DCLK1: variants seen among roughly 807,000 people sequenced by gnomAD.
The protein encoded by DCLK1 is serine/threonine-protein kinase DCLK1.
In DCLK1, 16 loss-of-function variants were observed where a neutral mutation model predicts 86.2. That is an observed-to-expected ratio of 0.19 (90% CI 0.13 to 0.28). DCLK1 has a LOEUF of 0.28. Among genes scored for constraint, DCLK1 ranks in the 10% least tolerant of loss-of-function variants. DCLK1 has a pLI of 1.00. For synonymous variants in DCLK1, 369 were observed against 370.5 expected, an observed-to-expected ratio of 1.00 and a Z score of 0.05; for missense variants, 590 against 940.2, an observed-to-expected ratio of 0.63 and a Z score of 4.87.
chr13:36,054,294 C>G (rs1238859070), intron 3 of DCLK1, among the ~76,000 whole-genome samples: 2 of 152,138 alleles, frequency 1.3e-5, no homozygotes, highest in Admixed American at 6.5e-5. Flanking sequence ...GCATGGGACT[C>G]ATGGGGAAAA....
chr13:36,112,111 G>T lies in DCLK1; in HGVS notation c.481C>A (p.Arg161=). ...GCAGTGGCCAGTGAAGACACTGCCC[G>T]AGAAGCCGAGGTGGTCTTGACGTTC... ...SVNVKTTSAS[R]AVSSLATAKG... The change falls in exon 3 of 17, where the codon CGG becomes AGG. Residue 161 remains arginine, a synonymous_variant. Transcript: ENST00000360631. 4 of 1,613,748 alleles carry T rather than the reference G, an allele frequency of 2.5e-6. No homozygotes were observed. The highest frequency in any genetic ancestry group is 3.4e-6 in the Non-Finnish European group (4 of 1,179,724).
intron 3 of DCLK1, among the ~76,000 whole-genome samples, chr13:35,967,318 TG>T (rs1376332945): frequency 6.6e-6 from 1 of 152,196 alleles, no homozygotes; most frequent in African/African-American, 2.4e-5. Flanking sequence ...CCACCCCATC[TG>T]GGAGGTGTAC....
rs1869607345 is a variant in DCLK1 at position 35,839,091 on chromosome 13, C to A, written c.1120+1G>T. ...CAGATACCAAGTCCCAAGCTCATCA[C>A]CTTCTCCAGGGCCATCGTTCTCATC... On this transcript the variant is annotated splice_donor_variant, in intron 7 of 16. Transcript: ENST00000360631. LOFTEE classifies it high-confidence loss of function. 1 of 1,596,714 alleles carries A rather than the reference C, an allele frequency of 6.3e-7. No individual in the cohort carries two copies. The highest frequency in any genetic ancestry group is 1.7e-5 in the Admixed American group (1 of 57,416).
chr13:36,043,052 A>G (rs1467874343), intron 3 of DCLK1, among the ~76,000 whole-genome samples: 1 of 152,208 alleles, frequency 6.6e-6, no homozygotes, highest in Non-Finnish European at 1.5e-5. Context: ...TTTGTTTTAC[A>G]TCCCACTTAA....
chr13:35,815,193 C>G (rs1002738371), intron 11 of DCLK1, among the ~76,000 whole-genome samples: 1 of 152,074 alleles, frequency 6.6e-6, no homozygotes, highest in Non-Finnish European at 1.5e-5. Flanking sequence ...ACTTACTGAA[C>G]AGTAGATCTT....
rs1349652938 is a variant in DCLK1, at chr13:35,774,495, C to A, written c.*40G>T. On this transcript the variant is annotated 3_prime_UTR_variant, in exon 17 of 17. Coordinates refer to ENST00000360631, the MANE Select transcript of DCLK1 (RefSeq NM_001330071.2). ...ATTTGGGGGAAAAAAATCTCAGAGTCTCAAAGGGTTAAGCTAGGACTTTGA... is the reference window on the plus strand; with the variant it reads ...ATTTGGGGGAAAAAAATCTCAGAGTATCAAAGGGTTAAGCTAGGACTTTGA... The A allele has an allele frequency of 1.9e-5, 29 of 1,547,218 alleles. No individual in the cohort carries two copies. Among genetic ancestry groups the A allele is most frequent in the Non-Finnish European group, 2.1e-5 (24 of 1,144,372 alleles).
intron 3 of DCLK1, among the ~76,000 whole-genome samples, chr13:35,971,619 C>A (rs1376792386): frequency 1.3e-5 from 2 of 152,050 alleles, no homozygotes; most frequent in Non-Finnish European, 2.9e-5. Flanking sequence ...AAAAATTAGC[C>A]AGGCATGGTG....
intron 3 of DCLK1, among the ~76,000 whole-genome samples, chr13:35,958,327 T>C (rs796356429): frequency 0.021 from 12 of 566 alleles, no homozygotes; most frequent in Admixed American, 0.024. Flanking sequence ...ACCACCACCA[T>C]TATAACAATC....
chr13:36,054,389 A>G (rs758260123), intron 3 of DCLK1, among the ~76,000 whole-genome samples: 4 of 152,202 alleles, frequency 2.6e-5, no homozygotes, highest in Non-Finnish European at 5.9e-5. Context: ...ATCTTTTGCC[A>G]GTATCCATGA....
intron 3 of DCLK1, among the ~76,000 whole-genome samples, chr13:36,019,543 ACTT>A (rs1231438972): frequency 6.6e-6 from 1 of 152,168 alleles, no homozygotes; most frequent in African/African-American, 2.4e-5. Context: ...TAATGACCTC[ACTT>A]CTTTGTTCAC....
intron 8 of DCLK1, among the ~76,000 whole-genome samples, chr13:35,831,284 A>T (rs757321536): frequency 1.2e-4 from 18 of 152,182 alleles, no homozygotes; most frequent in Non-Finnish European, 2.2e-4. Context: ...CACATAATAA[A>T]ATCCATAATA....
At chr13:35,933,446 C>G (rs1876569912) in intron 4 of DCLK1, among the ~76,000 whole-genome samples, 1 of 152,218 alleles carries the variant, frequency 6.6e-6, no homozygotes, top group African/African-American at 2.4e-5. Context: ...CAGAGGTTCT[C>G]CATGAGAGCC....
At chr13:36,011,857 A>G (rs1881286555) in intron 3 of DCLK1, among the ~76,000 whole-genome samples, 1 of 149,566 alleles carries the variant, frequency 6.7e-6, no homozygotes, top group Non-Finnish European at 1.5e-5. Context: ...AATGTGTAGG[A>G]GTCTAAGTCT....
chr13:36,064,778 A>C (rs571997034), intron 3 of DCLK1, among the ~76,000 whole-genome samples: 2 of 152,156 alleles, frequency 1.3e-5, no homozygotes, highest in East Asian at 3.9e-4. Flanking sequence ...GTAATGAAAC[A>C]TGAAAGTTCA....
intron 4 of DCLK1, among the ~76,000 whole-genome samples, chr13:35,946,588 T>C (rs367723127): frequency 1.3e-4 from 20 of 152,328 alleles, no homozygotes; most frequent in South Asian, 4.1e-4. Flanking sequence ...TCAAAAAGCA[T>C]TTCCAACTAC....
intron 3 of DCLK1, among the ~76,000 whole-genome samples, chr13:36,014,056 C>T (rs1410121099): frequency 6.6e-6 from 1 of 152,230 alleles, no homozygotes; most frequent in Non-Finnish European, 1.5e-5. Flanking sequence ...ATGCCTCGCC[C>T]TGCTTCGGCT....
intron 15 of DCLK1, among the ~76,000 whole-genome samples, chr13:35,802,174 TC>T (rs2086933690): frequency 6.6e-6 from 1 of 151,910 alleles, no homozygotes; most frequent in Non-Finnish European, 1.5e-5. Flanking sequence ...ATATAATTTT[TC>T]AAAAAAATTG....
upstream of DCLK1, chr13:36,131,403 T>C: frequency 5.2e-6 from 1 of 193,198 alleles, no homozygotes; most frequent in Non-Finnish European, 1.0e-5. Context: ...GCGGGCGCGC[T>C]CCCTTTTCTT....
At chr13:35,952,025 A>G (rs2153134497) in intron 3 of DCLK1, among the ~76,000 whole-genome samples, 1 of 152,172 alleles carries the variant, frequency 6.6e-6, no homozygotes, top group South Asian at 2.1e-4. Context: ...TTGGATGTTA[A>G]TCTCTTTGTG....
Sources: allele counts gnomAD v4.1 joint callset (sites outside exome capture counted in the v4.1 genomes callset), GRCh38; gene constraint gnomAD v4.1.1; transcripts MANE v1.5; gene names NCBI Gene and HGNC (gene_info 2026-07-23, HGNC 2026-07-21).